PLXDC2: variants seen among roughly 807,000 people sequenced by gnomAD.
The protein encoded by PLXDC2 is plexin domain containing 2.
In PLXDC2, 40 loss-of-function variants were observed where a neutral mutation model predicts 68.9. That is an observed-to-expected ratio of 0.58 (90% CI 0.45 to 0.76). The LOEUF is 0.76. Ranked by LOEUF, PLXDC2 falls within the 30% of genes least tolerant of loss-of-function variation. The pLI is 0.00. For synonymous variants in PLXDC2, 243 were observed against 234.2 expected (o/e 1.04, Z -0.34); for missense variants, 644 against 661.9 (o/e 0.97, Z 0.30).
chr10:20,126,813 A>AG (rs1207236355), intron 4 of PLXDC2, among the ~76,000 whole-genome samples: 1 of 144,556 alleles, frequency 6.9e-6, no homozygotes, highest in Admixed American at 7.0e-5. Context: ...ATATGTATAT[A>AG]TAACATATAT....
rs57093355 is a variant in PLXDC2, at chr10:20,051,395, AATATAT to A, written c.471+4423_471+4428del. 4.3e-3 allele frequency among the ~76,000 whole-genome samples: 508 copies of A among 118,280 alleles called. 1 individual carries two copies. The highest frequency in any genetic ancestry group is 7.2e-3 in the African/African-American group (241 of 33,426). 77.6% of individuals were successfully genotyped at this position (118,280 alleles called of 152,430 possible). ...ACTGCTGACCCTAAAATAAAGGTTA[AATATAT>A]ATATATATATATATATATATATATA... is the stretch of plus-strand genomic sequence containing the variant. On this transcript the variant is annotated intron_variant, in intron 3 of 13. Transcript: ENST00000377252.
rs148658155 is a variant in PLXDC2 at position 19,953,447 on chromosome 10, G to C, written c.113-48328G>C. On this transcript the variant is annotated intron_variant, in intron 1 of 13. Transcript: ENST00000377252. Reference sequence around the variant, plus strand: ...TGCTTGTTTGTTAAGGGTAAAAAGTGTGCCCAGAAATGGGAGGTGAAGCAG... The same window carrying C: ...TGCTTGTTTGTTAAGGGTAAAAAGTCTGCCCAGAAATGGGAGGTGAAGCAG... Among the ~76,000 whole-genome samples the C allele has an allele frequency of 1.4e-3, 209 of 152,348 alleles. 1 individual carries two copies. Among genetic ancestry groups the C allele is most frequent in the African/African-American group, 4.9e-3 (203 of 41,580 alleles).
At chr10:20,026,578 C>G (rs1315315558) in intron 2 of PLXDC2, among the ~76,000 whole-genome samples, 4 of 152,058 alleles carry the variant, frequency 2.6e-5, no homozygotes, top group Non-Finnish European at 4.4e-5. Flanking sequence ...TTCCAAAGCC[C>G]ATGCCATATT....
chr10:20,177,153 T>A, intron 8 of PLXDC2, 59 bp downstream of exon 8: 1 of 1,409,770 alleles, frequency 7.1e-7, no homozygotes, highest in Non-Finnish European at 1.0e-6. Context: ...TGATCTGATC[T>A]GTTCAATAGT....
At chr10:20,226,202 T>TA (rs1369193104) in intron 12 of PLXDC2, among the ~76,000 whole-genome samples, 1 of 152,242 alleles carries the variant, frequency 6.6e-6, no homozygotes, top group Non-Finnish European at 1.5e-5. Context: ...AACTACATCT[T>TA]ACTCTGCCGG....
chr10:20,195,057 G>A (rs1176313494), intron 9 of PLXDC2, among the ~76,000 whole-genome samples: 1 of 151,852 alleles, frequency 6.6e-6, no homozygotes, highest in Non-Finnish European at 1.5e-5. Flanking sequence ...GAATTAATGG[G>A]GTGAAGTGAA....
intron 4 of PLXDC2, among the ~76,000 whole-genome samples, chr10:20,134,628 C>G (rs867928748): frequency 6.6e-6 from 1 of 152,124 alleles, no homozygotes; most frequent in African/African-American, 2.4e-5. Flanking sequence ...GGGCCTACAT[C>G]TTGGGTCTAT....
intron 1 of PLXDC2, among the ~76,000 whole-genome samples, chr10:19,932,207 G>A (rs1025424932): frequency 6.6e-6 from 1 of 152,150 alleles, no homozygotes; most frequent in Admixed American, 6.5e-5. Flanking sequence ...AATTGCTGGT[G>A]TTATTCCTAC....
At chr10:19,880,409 T>C (rs879902550) in intron 1 of PLXDC2, among the ~76,000 whole-genome samples, 22 of 152,162 alleles carry the variant, frequency 1.4e-4, no homozygotes, top group Middle Eastern at 3.2e-3. Flanking sequence ...CTGTAAGAGA[T>C]TAACAACAAT....
At position 20,208,951 on chromosome 10, in the gene PLXDC2, C is replaced by T. The variant is rs372013365; in HGVS notation, c.1062-2718C>T. ...GATTTTCAAAAGGGGAGGGAGTGTA[C>T]GAATAGGGTGTGGGCCACAGAGATC... On this transcript the variant is annotated intron_variant, in intron 9 of 13. Coordinates refer to ENST00000377252, the MANE Select transcript of PLXDC2 (RefSeq NM_032812.9). Among the ~76,000 whole-genome samples the T allele has an allele frequency of 2.3e-4, 35 of 151,878 alleles. No individual in the cohort carries two copies. The East Asian group carries it at 3.9e-3, about 17-fold the overall frequency.
At chr10:20,012,420 C>T (rs1241910469) in intron 2 of PLXDC2, among the ~76,000 whole-genome samples, 2 of 141,560 alleles carry the variant, frequency 1.4e-5, no homozygotes, top group African/African-American at 5.2e-5. Flanking sequence ...CAGGTTCAAG[C>T]GATTCTCCTG....
chr10:20,220,624 T>TA (rs752342682), intron 12 of PLXDC2, among the ~76,000 whole-genome samples: 6 of 152,084 alleles, frequency 3.9e-5, no homozygotes, highest in Non-Finnish European at 7.4e-5. Context: ...AAAAAAAAGT[T>TA]AAAGAAATTT....
intron 1 of PLXDC2, among the ~76,000 whole-genome samples, chr10:19,974,633 G>A (rs1234560060): frequency 2.0e-5 from 3 of 152,174 alleles, no homozygotes; most frequent in Non-Finnish European, 2.9e-5. Flanking sequence ...TCCAAATCCT[G>A]TGGTCTTCTC....
chr10:19,912,263 A>G (rs924481050), intron 1 of PLXDC2, among the ~76,000 whole-genome samples: 1 of 152,106 alleles, frequency 6.6e-6, no homozygotes, highest in Non-Finnish European at 1.5e-5. Context: ...AAATACAAAA[A>G]CTTGTTTTAT....
intron 1 of PLXDC2, among the ~76,000 whole-genome samples, chr10:19,946,987 C>G (rs1015496294): frequency 1.1e-4 from 17 of 152,110 alleles, no homozygotes; most frequent in African/African-American, 4.1e-4. Flanking sequence ...TTGTCGGGTC[C>G]ATGGCCCTGG....
chr10:20,235,239 G>A (rs1347539216), intron 12 of PLXDC2, among the ~76,000 whole-genome samples: 1 of 152,132 alleles, frequency 6.6e-6, no homozygotes, highest in Non-Finnish European at 1.5e-5. Context: ...CTAAGCTTCC[G>A]TGAGGGAATG....
chr10:19,982,771 C>A (rs1206684462), intron 1 of PLXDC2, among the ~76,000 whole-genome samples: 2 of 151,902 alleles, frequency 1.3e-5, no homozygotes, highest in Non-Finnish European at 2.9e-5. Flanking sequence ...TTGGTGGATA[C>A]ACAATATAGG....
intron 1 of PLXDC2, among the ~76,000 whole-genome samples, chr10:19,849,602 C>T (rs1837077838): frequency 1.3e-5 from 2 of 151,990 alleles, no homozygotes; most frequent in African/African-American, 2.4e-5. Flanking sequence ...TTCTCCTTGC[C>T]ACTGCCGTGT....
chr10:20,124,302 A>T (rs1589641166), intron 4 of PLXDC2, among the ~76,000 whole-genome samples: 1 of 152,142 alleles, frequency 6.6e-6, no homozygotes, highest in East Asian at 1.9e-4. Context: ...AATTAAGAGA[A>T]GGGAGAGATT....
Sources: allele counts gnomAD v4.1 joint callset (sites outside exome capture counted in the v4.1 genomes callset), GRCh38; gene constraint gnomAD v4.1.1; transcripts MANE v1.5; gene names NCBI Gene and HGNC (gene_info 2026-07-23, HGNC 2026-07-21).